SEC16A: variants seen among roughly 807,000 people sequenced by gnomAD.
The protein encoded by SEC16A is SEC16 homolog A, endoplasmic reticulum export factor.
Under a neutral mutation model 221.9 loss-of-function variants are expected in SEC16A, and 110 were observed. The ratio of observed to expected loss-of-function variants is 0.50; its 90% CI spans 0.42 to 0.58. The LOEUF is 0.58. SEC16A is among the 20% of genes least tolerant of loss of function. SEC16A has a pLI of 0.00. For missense variants in SEC16A, 3,165 were observed against 3,097.8 expected (o/e 1.02, Z -0.52); for synonymous variants, 1,393 against 1,257.7 (o/e 1.11, Z -2.28).
chr9:136,483,471 GT>G, upstream of SEC16A: 1 of 421,782 alleles, frequency 2.4e-6, no homozygotes, highest in Non-Finnish European at 2.6e-6. Flanking sequence ...TTCCCCGCCC[GT>G]GGCCCCGCCC....
chr9:136,466,944 G>A lies in SEC16A; in HGVS notation c.3929+13C>T, dbSNP rs527676398. 1.6e-5 allele frequency: 25 copies of A among 1,610,212 alleles called. No individual in the cohort carries two copies. The East Asian group carries it at 3.1e-4, about 20-fold the overall frequency. ...GCCCCCAGCCTCTGCCTCCCCAGGG[G>A]TGCTCCACCAACCTGTCCCCGAAGG... is the stretch of plus-strand genomic sequence containing the variant. On this transcript the variant is annotated intron_variant, in intron 6 of 31. Coordinates refer to ENST00000684901, the MANE Select transcript of SEC16A (RefSeq NM_014866.2). This position sits in a 1 kb window ranked among gnomAD's most constrained non-coding sequence, Gnocchi z 5.5.
chr9:136,472,106 G>T lies in SEC16A; in HGVS notation c.3573C>A (p.Val1191=), dbSNP rs374468898. 4 of 1,613,524 alleles carry T rather than the reference G, an allele frequency of 2.5e-6. No homozygotes were observed. The highest frequency in any genetic ancestry group is 2.5e-6 in the Non-Finnish European group (3 of 1,179,882). ...TGTATCGAGGCTCATAGAGGCTGTA[G>T]ACATCCTGTGGGAGGAAGCATTTGG... The part of the protein sequence containing the change: ...PGAASLYYQD[V]YSLYEPRYRP... Residue 1191 remains valine, a synonymous_variant, in exon 4 of 32, where the codon GTC becomes GTA. Coordinates refer to ENST00000684901, the MANE Select transcript of SEC16A (RefSeq NM_014866.2).
Position 136,456,063 on chromosome 9 carries a change from C to A in SEC16A, c.5654G>T (p.Arg1885Leu). 6.2e-7 allele frequency: 1 copy of A among 1,611,768 alleles called. No homozygotes were observed. The highest frequency in any genetic ancestry group is 8.5e-7 in the Non-Finnish European group (1 of 1,178,510). Residue 1885 changes from arginine to leucine, a missense_variant, in exon 19 of 32, where the codon CGG becomes CTG. By Grantham distance (102) the Arg-to-Leu change is moderately radical. Coordinates refer to ENST00000684901, the MANE Select transcript of SEC16A (RefSeq NM_014866.2). ...TWLVHLQQVERQIKEGAGVWH... is the reference protein window; with the variant it reads ...TWLVHLQQVELQIKEGAGVWH... Reference sequence around the variant, plus strand: ...AAGCCAAGGCTGTACCTTAATCTGCCGCTCCACCTGCTGCAGGTGAACCAG... The same window carrying A: ...AAGCCAAGGCTGTACCTTAATCTGCAGCTCCACCTGCTGCAGGTGAACCAG...
intron 23 of SEC16A, chr9:136,448,730 C>G (rs1837381004): frequency 2.9e-6 from 2 of 695,944 alleles, no homozygotes; most frequent in Non-Finnish European, 5.3e-6. Context: ...TCCACAGAGA[C>G]ACCAGGAGGA....
In SEC16A at chr9:136,459,687, A is replaced by C; in HGVS notation, c.5191+70T>G. On this transcript the variant is annotated intron_variant, in intron 15 of 31. Coordinates refer to ENST00000684901, the MANE Select transcript of SEC16A (RefSeq NM_014866.2). The surrounding 1 kb of genome is among the most constrained non-coding windows in gnomAD (Gnocchi z 6.1). ...GGCCGGGTTCTGGTGATTTCTGCCAACGCCACAGACAACCGGGCCTTCGGC... is the reference window on the plus strand; with the variant it reads ...GGCCGGGTTCTGGTGATTTCTGCCACCGCCACAGACAACCGGGCCTTCGGC... The C allele has an allele frequency of 7.0e-7, 1 of 1,422,842 alleles. No individual in the cohort carries two copies. The highest frequency in any genetic ancestry group is 1.2e-5 in the South Asian group (1 of 81,980). 88.1% of individuals were successfully genotyped at this position (1,422,842 alleles called of 1,614,324 possible). A position where few individuals can be genotyped will look rare whatever the true frequency, so the allele number is the denominator to read the frequency against.
At position 136,454,241 on chromosome 9, in the gene SEC16A, G is replaced by A. The variant is rs1303792618; in HGVS notation, c.5944C>T (p.Pro1982Ser). The A allele has an allele frequency of 6.3e-7, 1 of 1,575,226 alleles. No individual in the cohort carries two copies. The highest frequency in any genetic ancestry group is 8.6e-7 in the Non-Finnish European group (1 of 1,160,716). ...CCTGGGGTCACACAGCCAGGACCCG[G>A]CTCCAGGGGCCCCGGGGGCAGTGGC... ...PVPLPPGPLEPGPGCVTPGPA... is the reference protein window; with the variant it reads ...PVPLPPGPLESGPGCVTPGPA... Residue 1982 changes from proline (P) to serine (S), a missense_variant, in exon 21 of 32, where the codon CCG (proline) becomes TCG (serine). Physicochemically the swap from Pro to Ser is moderately conservative, Grantham distance 74. Coordinates refer to ENST00000684901, the MANE Select transcript of SEC16A (RefSeq NM_014866.2).
chr9:136,454,878 A>C (rs922269517), intron 20 of SEC16A, among the ~76,000 whole-genome samples: 8 of 152,232 alleles, frequency 5.3e-5, no homozygotes, highest in Non-Finnish European at 1.2e-4. Flanking sequence ...GACGAAGCAG[A>C]CTGGACATCA....
chr9:136,476,862 T>G lies in SEC16A; in HGVS notation c.754A>C (p.Thr252Pro), dbSNP rs1162908491. ...PCATSVPHFP[T>P]PSILHQGPGH... Reference sequence around the variant, plus strand: ...GGGCCCTGATGTAGGATGGACGGGGTGGGGAAATGAGGAACGCTGGTGGCA... The same window carrying G: ...GGGCCCTGATGTAGGATGGACGGGGGGGGGAAATGAGGAACGCTGGTGGCA... The change falls in exon 3 of 32, where the codon ACC becomes CCC. Residue 252 changes from threonine to proline, a missense_variant. Around this residue, in one of 3 missense-constraint regions of SEC16A, gnomAD observed 2,030 missense variants for 1,923.1 expected, o/e 1.06. Transcript: ENST00000684901. 6.8e-6 allele frequency: 11 copies of G among 1,609,980 alleles called. No homozygotes were observed. The highest frequency in any genetic ancestry group is 4.0e-5 in the African/African-American group (3 of 74,150).
At position 136,460,063 on chromosome 9, in the gene SEC16A, T is replaced by G. The variant is rs574525024; in HGVS notation, c.5052A>C (p.Gly1684=). The G allele has an allele frequency of 1.9e-6, 3 of 1,605,794 alleles. No individual in the cohort carries two copies. The highest frequency in any genetic ancestry group is 2.2e-5 in the South Asian group (2 of 89,372). Residue 1684 remains glycine, a synonymous_variant, in exon 14 of 32, where the codon GGA becomes GGC. Coordinates refer to ENST00000684901, the MANE Select transcript of SEC16A (RefSeq NM_014866.2). ...TCACCGTGGACGCGGCAGGCATCCG[T>G]CCGGACATGAGCTGGTAGACTGTCT... is the stretch of plus-strand genomic sequence containing the variant. ...PLQTVYQLMS[G]RMPAASTCCG...
At chr9:136,467,223 CACG>C in intron 5 of SEC16A, 140 bp from the exon 6 acceptor site, 2 of 942,896 alleles carry the variant, frequency 2.1e-6, no homozygotes, top group Non-Finnish European at 3.1e-6. Flanking sequence ...TGGAAACCAG[CACG>C]ACACCAGGAA....
chr9:136,466,908 G>GC lies in SEC16A; in HGVS notation c.3929+48dup. On this transcript the variant is annotated intron_variant, in intron 6 of 31. Transcript: ENST00000684901. The surrounding 1 kb of genome is among the most constrained non-coding windows in gnomAD (Gnocchi z 5.5). ...GACATGAGGGCAGAGAAGCACTAGC[G>GC]CGCCCTGGCTGCCCCCAGCCTCTGC... 6.3e-7 allele frequency: 1 copy of GC among 1,583,736 alleles called. No individual in the cohort carries two copies. The highest frequency in any genetic ancestry group is 8.6e-7 in the Non-Finnish European group (1 of 1,166,540).
At chr9:136,460,823 G>C (rs892837063) in intron 13 of SEC16A, among the ~76,000 whole-genome samples, 49 of 152,104 alleles carry the variant, frequency 3.2e-4, no homozygotes, top group African/African-American at 1.1e-3. Context: ...CAAGGCGTGA[G>C]GATCACTTGA....
chr9:136,478,677 G>A (rs1464233145), intron 2 of SEC16A, among the ~76,000 whole-genome samples, 32 bp downstream of exon 2: 1 of 151,162 alleles, frequency 6.6e-6, no homozygotes, highest in Non-Finnish European at 1.5e-5. Context: ...CTCTACAAAA[G>A]AAGAAAGTTA....
rs1836123324 is a variant in SEC16A, at chr9:136,440,932, C to T, written c.*823G>A. On this transcript the variant is annotated 3_prime_UTR_variant, in exon 32 of 32. Transcript: ENST00000684901. ...CACACGAAATGAAGCCCAAATCAAACATCACACGGTCAGTTTTCAACCTGG... is the reference window on the plus strand; with the variant it reads ...CACACGAAATGAAGCCCAAATCAAATATCACACGGTCAGTTTTCAACCTGG... 6.6e-6 allele frequency: 1 copy of T among 152,386 alleles called. No homozygotes were observed. Among genetic ancestry groups the T allele is most frequent in the Non-Finnish European group, 1.5e-5 (1 of 68,046 alleles). The allele number at this position is 152,386 out of a possible 1,614,324, so 9.4% of individuals were successfully genotyped here.
intron 23 of SEC16A, among the ~76,000 whole-genome samples, chr9:136,450,348 A>C (rs1246705135): frequency 6.6e-6 from 1 of 152,178 alleles, no homozygotes; most frequent in East Asian, 1.9e-4. Flanking sequence ...CCTGAAGAGA[A>C]CACCATTAAA....
intron 23 of SEC16A, among the ~76,000 whole-genome samples, chr9:136,450,761 C>T (rs963021402): frequency 6.6e-6 from 1 of 152,192 alleles, no homozygotes; most frequent in Non-Finnish European, 1.5e-5. Context: ...GCAGTGTCTC[C>T]TAAAGCTGAA....
intron 23 of SEC16A, chr9:136,448,832 G>A: frequency 1.4e-6 from 1 of 712,134 alleles, no homozygotes; most frequent in Non-Finnish European, 2.6e-6. Flanking sequence ...GTGGGAAGCA[G>A]ATCCAGAGAC....
At position 136,476,620 on chromosome 9, in the gene SEC16A, A is replaced by G; in HGVS notation, c.996T>C (p.Ala332=). 6.3e-7 allele frequency: 1 copy of G among 1,590,254 alleles called. No individual in the cohort carries two copies. Among genetic ancestry groups the G allele is most frequent in the Non-Finnish European group, 8.6e-7 (1 of 1,166,032 alleles). Residue 332 remains alanine (A), a synonymous_variant, in exon 3 of 32, where the codon GCT becomes GCC. Transcript: ENST00000684901. ...GVKNEHRPAS[A]LVNPLARGDS... ...CTCCCCGGGCGAGGGGGTTCACAAG[A>G]GCAGAGGCGGGCCGGTGCTCATTCT...
rs764401969 is a variant in SEC16A, at chr9:136,463,728, G to A, written c.4459C>T (p.His1487Tyr). The A allele has an allele frequency of 8.7e-6, 14 of 1,612,116 alleles. No individual in the cohort carries two copies. The highest frequency in any genetic ancestry group is 1.2e-5 in the Non-Finnish European group (14 of 1,179,724). ...CGCATCTCCTCCTGCTCAGACGTGTGCTGCAGCAAGGCCTACGAGGAGAGG... is the reference window on the plus strand; with the variant it reads ...CGCATCTCCTCCTGCTCAGACGTGTACTGCAGCAAGGCCTACGAGGAGAGG... ...EVHSMEALLQHTSEQEEMRAF... is the reference protein window; with the variant it reads ...EVHSMEALLQYTSEQEEMRAF... Residue 1487 changes from histidine to tyrosine, a missense_variant, in exon 10 of 32, where the codon CAC (histidine) becomes TAC (tyrosine). By Grantham distance (83) the His-to-Tyr change is moderately conservative. This residue lies in a region of SEC16A where 47 missense variants were observed against 85.0 expected (regional missense o/e 0.55). Coordinates refer to ENST00000684901, the MANE Select transcript of SEC16A (RefSeq NM_014866.2).
Sources: allele counts gnomAD v4.1 joint callset (sites outside exome capture counted in the v4.1 genomes callset), GRCh38; gene constraint gnomAD v4.1.1; regional missense constraint gnomAD v4.1.1; non-coding constraint Gnocchi (gnomAD v3.1); transcripts MANE v1.5; gene names NCBI Gene and HGNC (gene_info 2026-07-23, HGNC 2026-07-21).